Variants in KIF17 observed in about 807,000 individuals in gnomAD.
KIF17 encodes kinesin-like protein KIF17.
In KIF17, 80 loss-of-function variants were observed where a neutral mutation model predicts 96.8. The observed-to-expected ratio is 0.83, with a 90% CI of 0.69 to 1.00. The LOEUF (loss-of-function observed/expected upper bound fraction) is 1.00, where lower values mean the gene tolerates loss of function less well. KIF17 is among the 50% of genes least tolerant of loss of function. KIF17 has a pLI of 0.00. For synonymous variants in KIF17, 567 were observed against 587.5 expected (o/e 0.97, Z 0.51); for missense variants, 1,280 against 1,372.9 (o/e 0.93, Z 1.07).
At chr1:20,666,045 C>T (rs540598666) in intron 14 of KIF17, among the ~76,000 whole-genome samples, 169 bp downstream of exon 14, 1 of 152,342 alleles carries the variant, frequency 6.6e-6, no homozygotes, top group African/African-American at 2.4e-5. Flanking sequence ...CACCTCGTAT[C>T]ACCTAATCCT....
In KIF17 at chr1:20,685,043, G is replaced by T; in HGVS notation, c.2020-23C>A. 6.4e-7 allele frequency: 1 copy of T among 1,561,468 alleles called. No homozygotes were observed. The highest frequency in any genetic ancestry group is 8.7e-7 in the Non-Finnish European group (1 of 1,151,278). The stretch of plus-strand genomic sequence containing the variant: ...CTCCTGAGTGTGAAGAGAAACCCAG[G>T]TGGAGGTGGGAAGGCCGCCCCAACC... On this transcript the variant is annotated intron_variant, in intron 9 of 14. Transcript: ENST00000400463. The surrounding 1 kb of genome is among the most constrained non-coding windows in gnomAD (Gnocchi z 4.1).
At position 20,710,275 on chromosome 1, in the gene KIF17, C is replaced by T. The variant is rs184045559; in HGVS notation, c.481-447G>A. On this transcript the variant is annotated intron_variant, in intron 3 of 14. Coordinates refer to ENST00000400463, the MANE Select transcript of KIF17 (RefSeq NM_001122819.3). The stretch of plus-strand genomic sequence containing the variant: ...TTCAGATCCCAGGGGCTGAGCCTGT[C>T]GTCACCCATGAGCCCTGAGTGCTGT... 1.0e-3 allele frequency among the ~76,000 whole-genome samples: 157 copies of T among 152,314 alleles called. 3 individuals carry two copies. The East Asian group carries it at 0.027, about 26-fold the overall frequency.
In KIF17 at chr1:20,704,551, C is replaced by T. The variant is rs149337781; in HGVS notation, c.1019G>A (p.Arg340His). Residue 340 changes from arginine (R) to histidine (H), a missense_variant, in exon 5 of 15, where the codon CGC becomes CAC. By Grantham distance (29) the Arg-to-His change is conservative. Coordinates refer to ENST00000400463, the MANE Select transcript of KIF17 (RefSeq NM_001122819.3). This position sits in a 1 kb window ranked among gnomAD's most constrained non-coding sequence, Gnocchi z 6.8. ...CGCATCCTTGGGGTCCTCATTGATG[C>T]GCGGCTTGTTCCTGATGTTCTTGGC... ...NRAKNIRNKP[R>H]INEDPKDALL... The T allele has an allele frequency of 5.6e-6, 9 of 1,614,218 alleles. No individual in the cohort carries two copies. The highest frequency in any genetic ancestry group is 4.4e-5 in the South Asian group (4 of 91,084).
chr1:20,696,192 C>T (rs931123681), intron 6 of KIF17, among the ~76,000 whole-genome samples: 1 of 152,148 alleles, frequency 6.6e-6, no homozygotes. Context: ...GACCGGAACC[C>T]GGCTCCTGGC....
intron 11 of KIF17, among the ~76,000 whole-genome samples, chr1:20,673,791 A>G (rs958153208): frequency 1.3e-5 from 2 of 152,060 alleles, no homozygotes; most frequent in African/African-American, 4.8e-5. Context: ...TCGGCCTCCC[A>G]AAGTGTTGGG....
At chr1:20,694,830 C>T (rs2054105891) in intron 6 of KIF17, among the ~76,000 whole-genome samples, 1 of 152,196 alleles carries the variant, frequency 6.6e-6, no homozygotes, top group Admixed American at 6.5e-5. Flanking sequence ...CCTCCACTGC[C>T]CCCTGCTCTC....
chr1:20,716,104 C>T (rs1343184246), intron 1 of KIF17, among the ~76,000 whole-genome samples: 2 of 152,026 alleles, frequency 1.3e-5, no homozygotes, highest in Non-Finnish European at 2.9e-5. Flanking sequence ...AAAAATTAGC[C>T]GGGTGTGGTG....
At chr1:20,710,111 T>A (rs1304469848) in intron 3 of KIF17, among the ~76,000 whole-genome samples, 1 of 152,160 alleles carries the variant, frequency 6.6e-6, no homozygotes, top group Non-Finnish European at 1.5e-5. Flanking sequence ...TCTCATAGGA[T>A]ATGGGGAGGA....
intron 12 of KIF17, among the ~76,000 whole-genome samples, chr1:20,671,657 C>T (rs1189756204): frequency 2.6e-5 from 4 of 152,170 alleles, no homozygotes. Flanking sequence ...TCAAACCTTA[C>T]AGCAACTTTA....
chr1:20,690,352 G>GCTCCC lies in KIF17; in HGVS notation c.1234-18_1234-17insGGGAG. The GCTCCC allele has an allele frequency of 4.4e-6, 2 of 451,170 alleles. No individual in the cohort carries two copies. The highest frequency in any genetic ancestry group is 2.9e-5 in the Admixed American group (1 of 35,052). The allele number at this position is 451,170 out of a possible 1,614,324, so 27.9% of individuals were successfully genotyped here. On this transcript the variant is annotated splice_polypyrimidine_tract_variant and intron_variant, in intron 6 of 14. Transcript: ENST00000400463. ...TTCATACTCCTGGGGGGGTGGGAGG[G>GCTCCC]ACCAGAGGGCAGGCAGCATTTTATC...
At chr1:20,670,933 C>A (rs1412117331) in intron 12 of KIF17, among the ~76,000 whole-genome samples, 1 of 152,182 alleles carries the variant, frequency 6.6e-6, no homozygotes, top group East Asian at 1.9e-4. Context: ...AGAGCCACAG[C>A]ATGTCTGGCT....
At chr1:20,670,286 A>G in intron 13 of KIF17, 135 bp downstream of exon 13, 6 of 846,868 alleles carry the variant, frequency 7.1e-6, no homozygotes, top group Non-Finnish European at 1.2e-5. Context: ...AAAAGGATCC[A>G]GCCTTGGCCC....
intron 4 of KIF17, among the ~76,000 whole-genome samples, chr1:20,708,649 TAGC>T (rs1164310427): frequency 1.3e-5 from 2 of 152,114 alleles, no homozygotes; most frequent in Admixed American, 1.3e-4. Flanking sequence ...CTCCACCAAT[TAGC>T]GGCGGTGAGA....
intron 5 of KIF17, among the ~76,000 whole-genome samples, chr1:20,701,178 A>G (rs138808594): frequency 0.097 from 14,799 of 152,224 alleles, 1,075 homozygotes; most frequent in East Asian, 0.35. Flanking sequence ...TCATGCCTGT[A>G]ATCTCAGCAC....
intron 3 of KIF17, among the ~76,000 whole-genome samples, chr1:20,710,736 C>T (rs964656278): frequency 1.3e-5 from 2 of 151,976 alleles, no homozygotes; most frequent in Non-Finnish European, 1.5e-5. Context: ...GGGTGGGGGT[C>T]GGGGCGAGGC....
downstream of KIF17, among the ~76,000 whole-genome samples, chr1:20,663,808 C>T (rs1244557220): frequency 6.6e-6 from 1 of 151,850 alleles, no homozygotes; most frequent in East Asian, 1.9e-4. Flanking sequence ...GTCTTGCTTT[C>T]CTGGGTCACA....
chr1:20,712,659 ATATATAATATAGATAATATTATC>A (rs1419778778), intron 3 of KIF17, among the ~76,000 whole-genome samples: 1,319 of 93,192 alleles, frequency 0.014, 270 homozygotes, highest in African/African-American at 0.059. Context: ...AATATTATCT[ATATATAATATAGATAATATTATC>A]TATATATAAT....
chr1:20,688,010 T>C, intron 7 of KIF17, 66 bp from the exon 8 acceptor site: 1 of 1,373,136 alleles, frequency 7.3e-7, no homozygotes, highest in Admixed American at 1.7e-5. Context: ...CCCTAGAAGG[T>C]GGCTCCAAGC....
At position 20,709,795 on chromosome 1, in the gene KIF17, TCACGTA is replaced by T; in HGVS notation, c.508_513del (p.Tyr170_Val171del). 1 of 1,613,652 alleles carries T rather than the reference TCACGTA, an allele frequency of 6.2e-7. No individual in the cohort carries two copies. Among genetic ancestry groups the T allele is most frequent in the Non-Finnish European group, 8.5e-7 (1 of 1,179,868 alleles). On this transcript the variant is annotated inframe_deletion, in exon 4 of 15. Transcript: ENST00000400463. This position sits in a 1 kb window ranked among gnomAD's most constrained non-coding sequence, Gnocchi z 4.7. ...TGCACCGTGTGCATGGACAGCCCCT[TCACGTA>T]CACGCCCTTCTCTGGGTGCTCCTTC...
Sources: allele counts gnomAD v4.1 joint callset (sites outside exome capture counted in the v4.1 genomes callset), GRCh38; gene constraint gnomAD v4.1.1; non-coding constraint Gnocchi (gnomAD v3.1); transcripts MANE v1.5; gene names NCBI Gene and HGNC (gene_info 2026-07-23, HGNC 2026-07-21).